RIMS1: variants seen among roughly 807,000 people sequenced by gnomAD.
The protein encoded by RIMS1 is regulating synaptic membrane exocytosis 1.
Under a neutral mutation model 214.1 loss-of-function variants are expected in RIMS1, and 83 were observed. The observed-to-expected ratio is 0.39, with a 90% confidence interval of 0.32 to 0.47. The LOEUF is 0.47. Ranked by LOEUF, RIMS1 falls within the 20% of genes least tolerant of loss-of-function variation. The pLI is 0.99. For synonymous variants in RIMS1, 793 were observed against 786.8 expected (o/e 1.01, Z -0.13); for missense variants, 2,050 against 2,161.8 (o/e 0.95, Z 1.03).
intron 4 of RIMS1, among the ~76,000 whole-genome samples, chr6:72,176,712 A>G (rs2047758785): frequency 7.4e-6 from 1 of 135,250 alleles, no homozygotes; most frequent in South Asian, 2.5e-4. Context: ...GGAATTATAC[A>G]GTATTTTACT....
chr6:72,182,876 C>T lies in RIMS1; in HGVS notation c.1405C>T (p.Pro469Ser). The change falls in exon 6 of 34, where the codon CCC becomes TCC. Residue 469 changes from proline (P) to serine (S), a missense_variant. By Grantham distance (74) the Pro-to-Ser change is moderately conservative (BLOSUM62 -1). Transcript: ENST00000521978. ...AGCCCCGGAGCTCAAAGCCCAGGAG[C>T]CCCTCAGGAAGCAGAGCCGCCTGGA... ...AEAPELKAQE[P>S]LRKQSRLDPS... The T allele has an allele frequency of 1.3e-6, 2 of 1,563,668 alleles. No homozygotes were observed. Among genetic ancestry groups the T allele is most frequent in the Non-Finnish European group, 8.6e-7 (1 of 1,156,178 alleles).
intron 4 of RIMS1, among the ~76,000 whole-genome samples, chr6:72,108,427 T>A (rs1398663971): frequency 6.6e-6 from 1 of 152,150 alleles, no homozygotes; most frequent in Non-Finnish European, 1.5e-5. Flanking sequence ...TTTGACTACA[T>A]CATCACCACT....
chr6:71,971,981 G>A (rs1795975710), intron 2 of RIMS1, among the ~76,000 whole-genome samples: 1 of 152,108 alleles, frequency 6.6e-6, no homozygotes, highest in Non-Finnish European at 1.5e-5. Flanking sequence ...TATCTAACAA[G>A]AGGTTGGCTC....
chr6:72,215,395 TGCA>T (rs2055430605), intron 6 of RIMS1, among the ~76,000 whole-genome samples: 1 of 152,172 alleles, frequency 6.6e-6, no homozygotes, highest in Non-Finnish European at 1.5e-5. Context: ...ACAAAATAAT[TGCA>T]GTAACTCCTA....
chr6:71,889,645 T>C (rs576829731), intron 1 of RIMS1, among the ~76,000 whole-genome samples: 6 of 151,934 alleles, frequency 3.9e-5, no homozygotes, highest in African/African-American at 1.5e-4. Context: ...GGAAAAGTGC[T>C]GTAATTTTTT....
chr6:72,250,674 T>A (rs1386804145), intron 13 of RIMS1, among the ~76,000 whole-genome samples: 1 of 152,184 alleles, frequency 6.6e-6, no homozygotes, highest in Non-Finnish European at 1.5e-5. Context: ...TTACCTTGTT[T>A]ATAGGTATAT....
chr6:72,238,931 G>T (rs930712049), intron 9 of RIMS1, among the ~76,000 whole-genome samples: 2 of 151,908 alleles, frequency 1.3e-5, no homozygotes, highest in Admixed American at 1.3e-4. Context: ...ATTTGACAAG[G>T]ACTTGCTGTG....
At chr6:71,926,726 A>T (rs1781685679) in intron 1 of RIMS1, among the ~76,000 whole-genome samples, 1 of 152,216 alleles carries the variant, frequency 6.6e-6, no homozygotes, top group Non-Finnish European at 1.5e-5. Context: ...TAAGTGTTTA[A>T]CTTCTAAGTT....
At chr6:72,253,504 T>C (rs1282447832) in intron 16 of RIMS1, among the ~76,000 whole-genome samples, 1 of 152,170 alleles carries the variant, frequency 6.6e-6, no homozygotes, top group East Asian at 1.9e-4. Context: ...AAAGACTTAC[T>C]TTCTTGGCAC....
chr6:72,202,695 G>C (rs1398201347), intron 6 of RIMS1, among the ~76,000 whole-genome samples: 2 of 152,116 alleles, frequency 1.3e-5, no homozygotes, highest in African/African-American at 4.8e-5. Context: ...TTGTCTCCAT[G>C]GTTGTCTATG....
At chr6:71,996,588 G>C (rs1166257618) in intron 2 of RIMS1, among the ~76,000 whole-genome samples, 1 of 152,118 alleles carries the variant, frequency 6.6e-6, no homozygotes, top group Non-Finnish European at 1.5e-5. Context: ...TACTTATAAA[G>C]ATGGCAGAAA....
chr6:72,184,765 A>AGGG (rs1562523360), intron 6 of RIMS1, among the ~76,000 whole-genome samples: 3 of 138,570 alleles, frequency 2.2e-5, no homozygotes, highest in African/African-American at 8.2e-5. Flanking sequence ...TATTCTGGGA[A>AGGG]AAAAAAAAAA....
rs954873865 is a variant in RIMS1 at position 72,265,030 on chromosome 6, A to G, written c.3172A>G (p.Ser1058Gly). 2.5e-6 allele frequency: 4 copies of G among 1,590,372 alleles called. No homozygotes were observed. Among genetic ancestry groups the G allele is most frequent in the Non-Finnish European group, 1.7e-6 (2 of 1,165,272 alleles). ...LPPKMPLLQS[S>G]SHWNIYSSIL... ...TCCCAAGATGCCTTTATTACAGAGC[A>G]GTTCTCACTGGAATATTTACAGGTA... The change falls in exon 20 of 34, where the codon AGT (serine) becomes GGT (glycine). Residue 1058 changes from serine to glycine, a missense_variant. Ser to Gly is a moderately conservative substitution (Grantham distance 56, BLOSUM62 0). Coordinates refer to ENST00000521978, the MANE Select transcript of RIMS1 (RefSeq NM_014989.7).
Position 72,242,419 on chromosome 6 carries a change from T to C in RIMS1, c.2063T>C (p.Ile688Thr), listed in dbSNP as rs2067336672. Residue 688 changes from isoleucine (I) to threonine (T), a missense_variant, in exon 10 of 34, where the codon ATT becomes ACT. Around this residue, in one of 6 missense-constraint regions of RIMS1, gnomAD observed 111 missense variants for 166.2 expected, o/e 0.67. Coordinates refer to ENST00000521978, the MANE Select transcript of RIMS1 (RefSeq NM_014989.7). The stretch of plus-strand genomic sequence containing the variant: ...AAATCAGAACCTCAAGTTGAAATTA[T>C]TGTTTCAAGGCCTATTGGGTAAGGC... Reference protein sequence around the residue: ...ESKSEPQVEIIVSRPIGDIPR... With the variant: ...ESKSEPQVEITVSRPIGDIPR... 6.4e-7 allele frequency: 1 copy of C among 1,561,012 alleles called. No homozygotes were observed. Among genetic ancestry groups the C allele is most frequent in the South Asian group, 1.2e-5 (1 of 83,980 alleles).
At chr6:72,249,905 T>G (rs930813337) in intron 12 of RIMS1, among the ~76,000 whole-genome samples, 3 of 151,996 alleles carry the variant, frequency 2.0e-5, no homozygotes, top group African/African-American at 7.2e-5. Flanking sequence ...CAAACTCTTG[T>G]TTTTTTTAAT....
intron 12 of RIMS1, among the ~76,000 whole-genome samples, chr6:72,248,457 A>T (rs2154130039): frequency 6.6e-6 from 1 of 152,300 alleles, no homozygotes; most frequent in Non-Finnish European, 1.5e-5. Flanking sequence ...TTAGGAGTTC[A>T]TACCCCATTT....
intron 2 of RIMS1, among the ~76,000 whole-genome samples, chr6:72,085,035 C>T (rs116038022): frequency 0.011 from 1,631 of 152,160 alleles, 26 homozygotes; most frequent in African/African-American, 0.037. Context: ...AACACATTTT[C>T]CTAATAAGTC....
At chr6:72,344,936 A>G (rs1413314736) in intron 29 of RIMS1, among the ~76,000 whole-genome samples, 1 of 151,806 alleles carries the variant, frequency 6.6e-6, no homozygotes, top group African/African-American at 2.4e-5. Flanking sequence ...TTTTATAATT[A>G]ATTTGTATTT....
At chr6:72,170,334 A>G (rs2046854018) in intron 4 of RIMS1, among the ~76,000 whole-genome samples, 1 of 152,010 alleles carries the variant, frequency 6.6e-6, no homozygotes, top group African/African-American at 2.4e-5. Context: ...GTTTACCATT[A>G]TGGGTTTTTT....
Sources: allele counts gnomAD v4.1 joint callset (sites outside exome capture counted in the v4.1 genomes callset), GRCh38; gene constraint gnomAD v4.1.1; regional missense constraint gnomAD v4.1.1; transcripts MANE v1.5; gene names NCBI Gene and HGNC (gene_info 2026-07-23, HGNC 2026-07-21).